The following PLPPR2 variants were observed in gnomAD, a reference collection of about 807,000 sequenced individuals.
PLPPR2 encodes the protein phospholipid phosphatase-related protein type 2.
Under a neutral mutation model 40.3 loss-of-function variants are expected in PLPPR2, and 11 were observed. The ratio of observed to expected loss-of-function variants is 0.27; its 90% CI spans 0.17 to 0.45. The LOEUF (loss-of-function observed/expected upper bound fraction) is 0.45, where lower values mean the gene tolerates loss of function less well. PLPPR2 is among the 20% of genes least tolerant of loss of function. The pLI is 1.00. For missense variants in PLPPR2, 497 were observed against 640.7 expected, an observed-to-expected ratio of 0.78 and a Z score of 2.42; for synonymous variants, 260 against 290.8, an observed-to-expected ratio of 0.89 and a Z score of 1.08.
At position 11,361,361 on chromosome 19, in the gene PLPPR2, C is replaced by G; in HGVS notation, c.536C>G (p.Pro179Arg). Residue 179 changes from proline (P) to arginine (R), a missense_variant, in exon 6 of 10, where the codon CCA becomes CGA. Pro to Arg is a moderately radical substitution (Grantham distance 103). Transcript: ENST00000688289. This position sits in a 1 kb window ranked among gnomAD's most constrained non-coding sequence, Gnocchi z 6.3. ...LGCLPPSPDR[P>R]GPDRFVTDQG... ...TGCCTGCCACCTTCTCCGGATCGGC[C>G]AGGTCCCGACCGCTTTGTCACTGAC... 6.2e-7 allele frequency: 1 copy of G among 1,612,730 alleles called. No individual in the cohort carries two copies. Among genetic ancestry groups the G allele is most frequent in the Non-Finnish European group, 8.5e-7 (1 of 1,179,934 alleles).
Position 11,361,930 on chromosome 19 carries a change from C to A in PLPPR2, c.663+442C>A, listed in dbSNP as rs577684807. On this transcript the variant is annotated intron_variant, in intron 6 of 9. Coordinates refer to ENST00000688289, the MANE Select transcript of PLPPR2 (RefSeq NM_001393892.1). This position sits in a 1 kb window ranked among gnomAD's most constrained non-coding sequence, Gnocchi z 6.3. ...GGAGCCCTTGCCCCTCTCCTGGGGG[C>A]CTTGTTCCCTCCTGTTGTAGCCCTG... is the stretch of plus-strand genomic sequence containing the variant. Among the ~76,000 whole-genome samples the A allele has an allele frequency of 1.3e-5, 2 of 152,132 alleles. No homozygotes were observed. Among genetic ancestry groups the A allele is most frequent in the African/African-American group, 4.8e-5 (2 of 41,504 alleles).
intron 3 of PLPPR2, 55 bp downstream of exon 3, chr19:11,357,794 A>C: frequency 1.4e-6 from 2 of 1,434,456 alleles, no homozygotes; most frequent in East Asian, 2.4e-5. Context: ...GTCTCTGTCC[A>C]ACCTCAGTCT....
rs1408648952 is a variant in PLPPR2, at chr19:11,361,913, T to G, written c.663+425T>G. On this transcript the variant is annotated intron_variant, in intron 6 of 9. Transcript: ENST00000688289. The surrounding 1 kb of genome is among the most constrained non-coding windows in gnomAD (Gnocchi z 6.3). ...GTCCTTGCCCCTCTTCTGGAGCCCTTGCCCCTCTCCTGGGGGCCTTGTTCC... is the reference window on the plus strand; with the variant it reads ...GTCCTTGCCCCTCTTCTGGAGCCCTGGCCCCTCTCCTGGGGGCCTTGTTCC... Among the ~76,000 whole-genome samples the G allele has an allele frequency of 1.3e-5, 2 of 151,976 alleles. No homozygotes were observed. The highest frequency in any genetic ancestry group is 4.8e-5 in the African/African-American group (2 of 41,360).
chr19:11,358,750 C>T (rs976333220), intron 3 of PLPPR2, among the ~76,000 whole-genome samples: 6 of 151,146 alleles, frequency 4.0e-5, no homozygotes, highest in Non-Finnish European at 7.4e-5. Flanking sequence ...AGTCTTGCTC[C>T]GCTGCCCAGG....
Position 11,364,423 on chromosome 19 carries a change from G to A in PLPPR2, c.1092G>A (p.Ser364=), listed in dbSNP as rs375241245. ...CCAGGGCCCCAGCCATGTGTTCGTCGCCCCGTGTGCCCCGTCCTCGATTGA... is the reference window on the plus strand; with the variant it reads ...CCAGGGCCCCAGCCATGTGTTCGTCACCCCGTGTGCCCCGTCCTCGATTGA... ...VSSRAPAMCS[S]PRVPRPRLRS... is the part of the protein sequence containing the mutation. The change falls in exon 10 of 10, where the codon TCG becomes TCA. Residue 364 remains serine (S), a synonymous_variant. Coordinates refer to ENST00000688289, the MANE Select transcript of PLPPR2 (RefSeq NM_001393892.1). This position sits in a 1 kb window ranked among gnomAD's most constrained non-coding sequence, Gnocchi z 5.8. 6.6e-5 allele frequency: 100 copies of A among 1,514,032 alleles called. 1 individual carries two copies. The highest frequency in any genetic ancestry group is 6.4e-4 in the Admixed American group (29 of 45,566). 93.8% of individuals were successfully genotyped at this position (1,514,032 alleles called of 1,614,324 possible).
Position 11,362,621 on chromosome 19 carries a change from G to A in PLPPR2, c.772G>A (p.Glu258Lys). 1.2e-6 allele frequency: 2 copies of A among 1,613,836 alleles called. No individual in the cohort carries two copies. Among genetic ancestry groups the A allele is most frequent in the Non-Finnish European group, 1.7e-6 (2 of 1,180,016 alleles). ...CCTGGTGGGCGTGGTCCGCGTGGCCGAGTACCGAAACCACTGGTCGGACGT... is the reference window on the plus strand; with the variant it reads ...CCTGGTGGGCGTGGTCCGCGTGGCCAAGTACCGAAACCACTGGTCGGACGT... ...AFLVGVVRVA[E>K]YRNHWSDVLA... The change falls in exon 7 of 10, where the codon GAG becomes AAG. Residue 258 changes from glutamate to lysine, a missense_variant. By Grantham distance (56) the Glu-to-Lys change is moderately conservative (BLOSUM62 1). Coordinates refer to ENST00000688289, the MANE Select transcript of PLPPR2 (RefSeq NM_001393892.1). The surrounding 1 kb of genome is among the most constrained non-coding windows in gnomAD (Gnocchi z 5.3).
rs1468174719 is a variant in PLPPR2, at chr19:11,362,058, G to A, written c.664-455G>A. Among the ~76,000 whole-genome samples, 1 of 152,094 alleles carries A rather than the reference G, an allele frequency of 6.6e-6. No homozygotes were observed. The highest frequency in any genetic ancestry group is 1.5e-5 in the Non-Finnish European group (1 of 68,008). On this transcript the variant is annotated intron_variant, in intron 6 of 9. Transcript: ENST00000688289. This position sits in a 1 kb window ranked among gnomAD's most constrained non-coding sequence, Gnocchi z 5.3. ...TTCAACTCTTTTTTCTGGCATCCGG[G>A]TTTATGCTCCCACCCTGTCAGTGGT...
In PLPPR2 at chr19:11,362,286, G is replaced by C. The variant is rs1968067946; in HGVS notation, c.664-227G>C. 1 of 562,796 alleles carries C rather than the reference G, an allele frequency of 1.8e-6. No individual in the cohort carries two copies. Among genetic ancestry groups the C allele is most frequent in the Non-Finnish European group, 3.2e-6 (1 of 314,160 alleles). 34.9% of individuals were successfully genotyped at this position (562,796 alleles called of 1,614,324 possible). On this transcript the variant is annotated intron_variant, in intron 6 of 9. Transcript: ENST00000688289. This position sits in a 1 kb window ranked among gnomAD's most constrained non-coding sequence, Gnocchi z 5.3. ...TCTGGCCACACCTAGCCCTGCAGGTGGTGCCCACGAGACTCCAAGACCTCA... is the reference window on the plus strand; with the variant it reads ...TCTGGCCACACCTAGCCCTGCAGGTCGTGCCCACGAGACTCCAAGACCTCA...
intron 3 of PLPPR2, among the ~76,000 whole-genome samples, chr19:11,358,485 G>A (rs1484954598): frequency 6.6e-6 from 1 of 151,934 alleles, no homozygotes; most frequent in Non-Finnish European, 1.5e-5. Context: ...TTTCCATGTG[G>A]GAGAGTCTCT....
Position 11,363,935 on chromosome 19 carries a change from C to A in PLPPR2, c.963+100C>A. 6.9e-7 allele frequency: 1 copy of A among 1,449,402 alleles called. No individual in the cohort carries two copies. The highest frequency in any genetic ancestry group is 9.3e-7 in the Non-Finnish European group (1 of 1,076,594). The allele number at this position is 1,449,402 out of a possible 1,614,324, so 89.8% of individuals were successfully genotyped here. On this transcript the variant is annotated intron_variant, in intron 8 of 9. Transcript: ENST00000688289. The surrounding 1 kb of genome is among the most constrained non-coding windows in gnomAD (Gnocchi z 4.8). ...CAGGCAAGAGGTGGGGGTCTCAGAA[C>A]CATGGGGAAGTGGAGGGATCACCCA...
rs1968091489 is a variant in PLPPR2 at position 11,362,966 on chromosome 19, T to G, written c.840+277T>G. ...TTAAAAATCAAAGTTAATACAAAAC[T>G]ATCATAATGTACAGAATATAAAAAT... On this transcript the variant is annotated intron_variant, in intron 7 of 9. Coordinates refer to ENST00000688289, the MANE Select transcript of PLPPR2 (RefSeq NM_001393892.1). The surrounding 1 kb of genome is among the most constrained non-coding windows in gnomAD (Gnocchi z 5.3). Among the ~76,000 whole-genome samples, 1 of 152,220 alleles carries G rather than the reference T, an allele frequency of 6.6e-6. No homozygotes were observed. Among genetic ancestry groups the G allele is most frequent in the Admixed American group, 6.5e-5 (1 of 15,274 alleles).
chr19:11,357,610 T>C (rs1967922486), intron 2 of PLPPR2, 50 bp from the exon 3 acceptor site: 2 of 1,435,302 alleles, frequency 1.4e-6, no homozygotes, highest in Non-Finnish European at 1.9e-6. Flanking sequence ...GACCTGAGCC[T>C]TCCCCTAGGC....
chr19:11,359,146 A>T lies in PLPPR2; in HGVS notation c.67-386A>T, dbSNP rs1452714276. On this transcript the variant is annotated intron_variant, in intron 3 of 9. Transcript: ENST00000688289. The surrounding 1 kb of genome is among the most constrained non-coding windows in gnomAD (Gnocchi z 5.6). Reference sequence around the variant, plus strand: ...ACTGCAGCCTTAATCCTCTGGGTGAAGCAATCTTCCTTCCTCAGCCTCCCA... The same window carrying T: ...ACTGCAGCCTTAATCCTCTGGGTGATGCAATCTTCCTTCCTCAGCCTCCCA... Among the ~76,000 whole-genome samples the T allele has an allele frequency of 6.6e-6, 1 of 151,886 alleles. No individual in the cohort carries two copies.
In PLPPR2 at chr19:11,364,694, C is replaced by T; in HGVS notation, c.*4C>T. The T allele has an allele frequency of 3.9e-6, 6 of 1,537,186 alleles. No individual in the cohort carries two copies. The highest frequency in any genetic ancestry group is 4.4e-6 in the Non-Finnish European group (5 of 1,146,862). On this transcript the variant is annotated 3_prime_UTR_variant, in exon 10 of 10. Coordinates refer to ENST00000688289, the MANE Select transcript of PLPPR2 (RefSeq NM_001393892.1). The surrounding 1 kb of genome is among the most constrained non-coding windows in gnomAD (Gnocchi z 5.8). Reference sequence around the variant, plus strand: ...CAGCCGTGACCACCTGCTGTGAGGCCCGACCACCCACCCAGAATCTGCCCA... The same window carrying T: ...CAGCCGTGACCACCTGCTGTGAGGCTCGACCACCCACCCAGAATCTGCCCA...
Position 11,359,799 on chromosome 19 carries a change from T to C in PLPPR2, c.256-22T>C. On this transcript the variant is annotated intron_variant, in intron 4 of 9. Coordinates refer to ENST00000688289, the MANE Select transcript of PLPPR2 (RefSeq NM_001393892.1). This position sits in a 1 kb window ranked among gnomAD's most constrained non-coding sequence, Gnocchi z 5.6. ...GGGATGGGCTGGAAGGCCAGAAGAC[T>C]CCATCTTGGTCTTGCCCACAGATCC... The C allele has an allele frequency of 6.3e-7, 1 of 1,599,936 alleles. No individual in the cohort carries two copies. The highest frequency in any genetic ancestry group is 8.5e-7 in the Non-Finnish European group (1 of 1,169,862).
intron 2 of PLPPR2, 155 bp from the exon 3 acceptor site, chr19:11,357,505 G>A: frequency 2.0e-6 from 1 of 510,424 alleles, no homozygotes; most frequent in South Asian, 3.0e-5. Flanking sequence ...CAGAGGCATG[G>A]CCAGAAGGTT....
rs776942156 is a variant in PLPPR2 at position 11,359,569 on chromosome 19, G to A, written c.104G>A (p.Arg35His). 2.3e-5 allele frequency: 37 copies of A among 1,592,264 alleles called. No homozygotes were observed. Among genetic ancestry groups the A allele is most frequent in the South Asian group, 6.8e-5 (6 of 87,760 alleles). ...LLGIVILLAY[R>H]LEFTDTFPVH... ...GGCATTGTGATCCTGCTTGCTTACC[G>A]CCTGGAGTTCACGGACACCTTCCCT... Residue 35 changes from arginine to histidine, a missense_variant, in exon 4 of 10, where the codon CGC (arginine) becomes CAC (histidine). Transcript: ENST00000688289. This position sits in a 1 kb window ranked among gnomAD's most constrained non-coding sequence, Gnocchi z 5.6.
rs758795069 is a variant in PLPPR2 at position 11,363,896 on chromosome 19, G to A, written c.963+61G>A. 2.3e-4 allele frequency: 356 copies of A among 1,558,456 alleles called. 1 individual carries two copies. The highest frequency in any genetic ancestry group is 2.6e-4 in the Non-Finnish European group (301 of 1,149,104). ...GGTGGTGGGTGGAGGGGGCCAAGGA[G>A]ACAGGAAGGAAGTCAGGCAAGAGGT... On this transcript the variant is annotated intron_variant, in intron 8 of 9. Transcript: ENST00000688289. The surrounding 1 kb of genome is among the most constrained non-coding windows in gnomAD (Gnocchi z 4.8).
At position 11,359,634 on chromosome 19, in the gene PLPPR2, G is replaced by A. The variant is rs752314581; in HGVS notation, c.169G>A (p.Ala57Thr). The A allele has an allele frequency of 9.9e-6, 16 of 1,612,952 alleles. No individual in the cohort carries two copies. Among genetic ancestry groups the A allele is most frequent in the East Asian group, 2.2e-5 (1 of 44,858 alleles). The part of the protein sequence containing the change: ...QGFFCYDSTY[A>T]KPYPGPEAAS... ...ATTCTTCTGCTATGACAGTACCTAC[G>A]CCAAGCCCTACCCAGGGCCTGAGGC... is the stretch of plus-strand genomic sequence containing the variant. Residue 57 changes from alanine to threonine, a missense_variant, in exon 4 of 10, where the codon GCC (alanine) becomes ACC (threonine). By Grantham distance (58) the Ala-to-Thr change is moderately conservative. Coordinates refer to ENST00000688289, the MANE Select transcript of PLPPR2 (RefSeq NM_001393892.1). The surrounding 1 kb of genome is among the most constrained non-coding windows in gnomAD (Gnocchi z 5.6).
Sources: allele counts gnomAD v4.1 joint callset (sites outside exome capture counted in the v4.1 genomes callset), GRCh38; gene constraint gnomAD v4.1.1; non-coding constraint Gnocchi (gnomAD v3.1); transcripts MANE v1.5; gene names NCBI Gene and HGNC (gene_info 2026-07-23, HGNC 2026-07-21).